Variants in DTNB observed in about 807,000 individuals in gnomAD.
DTNB encodes the protein DTN-B.
DTNB carries 63 observed loss-of-function variants against 90.7 expected under a neutral mutation model. The observed-to-expected ratio is 0.69, with a 90% CI of 0.57 to 0.86. The LOEUF is 0.86. DTNB is among the 40% of genes least tolerant of loss of function. DTNB has a pLI of 0.00. For missense variants in DTNB, 744 were observed against 807.1 expected, an observed-to-expected ratio of 0.92 and a Z score of 0.95; for synonymous variants, 277 against 286.7, an observed-to-expected ratio of 0.97 and a Z score of 0.34.
intron 14 of DTNB, among the ~76,000 whole-genome samples, chr2:25,428,378 C>G (rs936511138): frequency 3.9e-5 from 6 of 152,004 alleles, no homozygotes; most frequent in Middle Eastern, 6.8e-3. Flanking sequence ...CTCACTTTAT[C>G]TAAGCACTCC....
intron 4 of DTNB, among the ~76,000 whole-genome samples, chr2:25,620,339 A>G (rs1041167865): frequency 2.6e-5 from 4 of 152,214 alleles, no homozygotes; most frequent in African/African-American, 7.2e-5. Context: ...GGGAAGTTAC[A>G]TGATGAAACA....
At chr2:25,390,548 A>G (rs2040813849) in intron 16 of DTNB, among the ~76,000 whole-genome samples, 2 of 151,820 alleles carry the variant, frequency 1.3e-5, no homozygotes, top group East Asian at 1.9e-4. Flanking sequence ...GGTTCAACCA[A>G]TTCTCCTGCC....
At chr2:25,457,828 A>T (rs1297150825) in intron 10 of DTNB, among the ~76,000 whole-genome samples, 2 of 151,970 alleles carry the variant, frequency 1.3e-5, no homozygotes, top group African/African-American at 4.8e-5. Flanking sequence ...CCTGTGCATG[A>T]TGTTAATTAT....
intron 1 of DTNB, among the ~76,000 whole-genome samples, chr2:25,663,881 A>G (rs1448575970): frequency 6.6e-6 from 1 of 152,234 alleles, no homozygotes; most frequent in East Asian, 1.9e-4. Flanking sequence ...TTACCAAACA[A>G]GAAGAACAAG....
intron 6 of DTNB, among the ~76,000 whole-genome samples, chr2:25,592,021 A>C (rs1054184477): frequency 6.7e-6 from 1 of 149,278 alleles, no homozygotes; most frequent in African/African-American, 2.5e-5. Context: ...AGATTGCACC[A>C]ATGTACTCCA....
intron 2 of DTNB, among the ~76,000 whole-genome samples, chr2:25,648,325 G>C (rs921495967): frequency 6.6e-6 from 1 of 152,080 alleles, no homozygotes; most frequent in African/African-American, 2.4e-5. Flanking sequence ...ATAATGCTTA[G>C]AGTCTACAAG....
intron 8 of DTNB, among the ~76,000 whole-genome samples, chr2:25,569,470 A>C (rs2059508288): frequency 6.6e-6 from 1 of 152,070 alleles, no homozygotes; most frequent in Non-Finnish European, 1.5e-5. Context: ...CTCCTCTCCT[A>C]ATCAGACTGG....
Position 25,537,196 on chromosome 2 carries a change from CT to C in DTNB, c.877-5600del, listed in dbSNP as rs780904829. 6.8e-3 allele frequency among the ~76,000 whole-genome samples: 1,008 copies of C among 147,226 alleles called. 6 individuals are homozygous for C. The highest frequency in any genetic ancestry group is 0.023 in the African/African-American group (914 of 40,396). On this transcript the variant is annotated intron_variant, in intron 8 of 20. Coordinates refer to ENST00000406818, the MANE Select transcript of DTNB (RefSeq NM_021907.5). ...ACCTACCTAGTAAAACCATATAAAT[CT>C]TTTTTTTTTTGAGGATTACAAGTAG...
chr2:25,449,066 C>A (rs867622422), intron 12 of DTNB, among the ~76,000 whole-genome samples: 1 of 152,006 alleles, frequency 6.6e-6, no homozygotes, highest in Non-Finnish European at 1.5e-5. Context: ...AGTTAGTTTG[C>A]CTATTCTAGA....
At position 25,524,430 on chromosome 2, in the gene DTNB, G is replaced by T. The variant is rs1056304079; in HGVS notation, c.1001+7043C>A. ...TTTTTTTTTTTTTTTGGTGGGGGGG[G>T]TGGTCTGCTGACTATATTCTTGGCT... is the stretch of plus-strand genomic sequence containing the variant. On this transcript the variant is annotated intron_variant, in intron 9 of 20. Coordinates refer to ENST00000406818, the MANE Select transcript of DTNB (RefSeq NM_021907.5). Among the ~76,000 whole-genome samples, 186 of 149,414 alleles carry T rather than the reference G, an allele frequency of 1.2e-3. 3 individuals carry two copies. Among genetic ancestry groups the T allele is most frequent in the Admixed American group, 7.1e-3 (107 of 15,076 alleles).
rs774575754 is a variant in DTNB, at chr2:25,427,628, T to C, written c.1461A>G (p.Gln487=). The C allele has an allele frequency of 6.2e-6, 10 of 1,612,854 alleles. No individual in the cohort carries two copies. The South Asian group carries it at 1.1e-4, about 18-fold the overall frequency. Residue 487 remains glutamine, a synonymous_variant, in exon 15 of 21, where the codon CAA becomes CAG. Transcript: ENST00000406818. ...TLLAELRLLR[Q]RKDELEQRMS... is the part of the protein sequence containing the mutation. ...TCCTCTGCTCCAGTTCATCCTTCCT[T>C]TGCCTATCCAAGACGAGAAGCCTAT...
At chr2:25,488,015 G>A (rs549809071) in intron 9 of DTNB, among the ~76,000 whole-genome samples, 6 of 152,256 alleles carry the variant, frequency 3.9e-5, no homozygotes, top group Admixed American at 3.9e-4. Flanking sequence ...AGCGTGCATG[G>A]GAATCCTCTG....
intron 9 of DTNB, among the ~76,000 whole-genome samples, chr2:25,491,893 T>C (rs938211091): frequency 1.3e-5 from 2 of 151,866 alleles, no homozygotes; most frequent in Non-Finnish European, 2.9e-5. Context: ...TATCTTTATT[T>C]TACAGATGGA....
At position 25,616,951 on chromosome 2, in the gene DTNB, AAGG is replaced by A. The variant is rs1460657415; in HGVS notation, c.363-9633_363-9631del. Among the ~76,000 whole-genome samples the A allele has an allele frequency of 4.7e-3, 618 of 131,294 alleles. 69 individuals are homozygous for A. Among genetic ancestry groups the A allele is most frequent in the African/African-American group, 5.8e-3 (203 of 34,900 alleles). 86.1% of individuals were successfully genotyped at this position (131,294 alleles called of 152,430 possible). A position where few individuals can be genotyped will look rare whatever the true frequency, so the allele number is the denominator to read the frequency against. On this transcript the variant is annotated intron_variant, in intron 4 of 20. Coordinates refer to ENST00000406818, the MANE Select transcript of DTNB (RefSeq NM_021907.5). ...CGTCTCAAAAAAAAAAAAAAAAAAAAAGGAAAAAAAAGACTCATTAACCCCTCA... is the reference window on the plus strand; with the variant it reads ...CGTCTCAAAAAAAAAAAAAAAAAAAAAAAAAAAAGACTCATTAACCCCTCA...
intron 5 of DTNB, among the ~76,000 whole-genome samples, chr2:25,597,876 CAG>C (rs1366796163): frequency 7.9e-5 from 12 of 151,998 alleles, no homozygotes; most frequent in African/African-American, 2.9e-4. Flanking sequence ...ACACATGAAA[CAG>C]AGAAGAATTT....
chr2:25,438,338 T>A (rs2056507966), intron 12 of DTNB, among the ~76,000 whole-genome samples: 1 of 152,156 alleles, frequency 6.6e-6, no homozygotes, highest in African/African-American at 2.4e-5. Flanking sequence ...AAAAATCTCA[T>A]AATGTTTTAA....
intron 14 of DTNB, among the ~76,000 whole-genome samples, chr2:25,428,789 T>C (rs1040484887): frequency 6.6e-6 from 1 of 152,132 alleles, no homozygotes; most frequent in Non-Finnish European, 1.5e-5. Context: ...GGCCTCAAAG[T>C]TGAGTATCAG....
chr2:25,526,704 A>G (rs1360389092), intron 9 of DTNB, among the ~76,000 whole-genome samples: 2 of 152,030 alleles, frequency 1.3e-5, no homozygotes, highest in Non-Finnish European at 2.9e-5. Flanking sequence ...CCATAAATAA[A>G]TATCTTAAAG....
chr2:25,496,400 T>G (rs1047066261), intron 9 of DTNB, among the ~76,000 whole-genome samples: 1 of 152,216 alleles, frequency 6.6e-6, no homozygotes, highest in Admixed American at 6.5e-5. Flanking sequence ...AACAAGTTAC[T>G]GCTCATAGAG....
Sources: gnomAD v4.1 joint callset for allele counts (sites outside exome capture counted in the v4.1 genomes callset) on GRCh38, gnomAD v4.1.1 for gene constraint, MANE v1.5 for transcripts, NCBI Gene and HGNC (gene_info 2026-07-23, HGNC 2026-07-21) for gene names.